The following IL1RAPL2 variants were observed in gnomAD, a reference collection of about 807,000 sequenced individuals.
IL1RAPL2 encodes the protein X-linked interleukin-1 receptor accessory protein-like 2.
IL1RAPL2 carries 3 observed loss-of-function variants against 44.1 expected under a neutral mutation model. The observed-to-expected ratio is 0.07, with a 90% CI of 0.03 to 0.18. The LOEUF (loss-of-function observed/expected upper bound fraction) is 0.18. IL1RAPL2 is among the 10% of genes least tolerant of loss of function. The pLI, the probability that IL1RAPL2 is intolerant of heterozygous loss-of-function variation, is 1.00. For missense variants in IL1RAPL2, 391 were observed against 496.4 expected (o/e 0.79, Z 2.02); for synonymous variants, 181 against 178.8 (o/e 1.01, Z -0.10).
intron 2 of IL1RAPL2, among the ~76,000 whole-genome samples, chrX:105,002,651 G>A (rs1285072031): frequency 1.8e-5 from 2 of 110,491 alleles, no homozygotes; most frequent in African/African-American, 6.6e-5. Flanking sequence ...TTCCTAGAAT[G>A]AGGAATGTCA....
intron 5 of IL1RAPL2, among the ~76,000 whole-genome samples, chrX:105,380,771 A>G (rs1360847280): frequency 9.0e-6 from 1 of 111,712 alleles, no homozygotes; most frequent in Non-Finnish European, 1.9e-5. Context: ...TGACATACAA[A>G]GGTCTCCTTT....
intron 2 of IL1RAPL2, among the ~76,000 whole-genome samples, chrX:105,192,777 G>T (rs782442567): frequency 9.0e-6 from 1 of 111,697 alleles, no homozygotes; most frequent in Non-Finnish European, 1.9e-5. Flanking sequence ...TAAGGGAAAA[G>T]AATAAATGGG....
chrX:104,854,652 A>T (rs893538127), intron 2 of IL1RAPL2, among the ~76,000 whole-genome samples: 1 of 101,007 alleles, frequency 9.9e-6, no homozygotes, highest in African/African-American at 3.6e-5. Context: ...AAGAGAAAGA[A>T]TTTTTTTTTT....
At chrX:105,165,119 CTTAGA>C (rs2033361530) in intron 2 of IL1RAPL2, among the ~76,000 whole-genome samples, 1 of 111,656 alleles carries the variant, frequency 9.0e-6, no homozygotes, top group African/African-American at 3.3e-5. Flanking sequence ...AGGAAGTTAC[CTTAGA>C]TTATTCTGCA....
At chrX:104,857,886 A>G (rs956161551) in intron 2 of IL1RAPL2, among the ~76,000 whole-genome samples, 1 of 111,385 alleles carries the variant, frequency 9.0e-6, no homozygotes, top group Non-Finnish European at 1.9e-5. Flanking sequence ...ATTCATACAT[A>G]CTAAAAAAAA....
At chrX:104,917,595 C>T (rs1365654210) in intron 2 of IL1RAPL2, among the ~76,000 whole-genome samples, 2 of 111,777 alleles carry the variant, frequency 1.8e-5, no homozygotes, top group East Asian at 5.6e-4. Flanking sequence ...ATGGACCAGG[C>T]AAAAACAACC....
At chrX:104,676,649 C>G (rs1176755136) in intron 2 of IL1RAPL2, among the ~76,000 whole-genome samples, 1 of 111,754 alleles carries the variant, frequency 8.9e-6, no homozygotes, top group Non-Finnish European at 1.9e-5. Flanking sequence ...ATTGGCCTGC[C>G]TTGCTAGATT....
chrX:105,162,305 C>T (rs920095781), intron 2 of IL1RAPL2, among the ~76,000 whole-genome samples: 4 of 111,601 alleles, frequency 3.6e-5, no homozygotes, highest in African/African-American at 1.3e-4. Context: ...TAAATAAGGC[C>T]CCATAGAAAT....
intron 3 of IL1RAPL2, among the ~76,000 whole-genome samples, chrX:105,197,685 G>A (rs1312885878): frequency 1.8e-5 from 2 of 111,131 alleles, no homozygotes; most frequent in Non-Finnish European, 3.8e-5. Flanking sequence ...TGAAAGGAGG[G>A]TTATAGATTT....
intron 3 of IL1RAPL2, among the ~76,000 whole-genome samples, chrX:105,203,080 A>G (rs1443646569): frequency 9.0e-6 from 1 of 111,623 alleles, no homozygotes; most frequent in Non-Finnish European, 1.9e-5. Flanking sequence ...AAAAACTTCC[A>G]CTACATCTGC....
At chrX:105,712,422 G>T (rs1293021711) in intron 6 of IL1RAPL2, among the ~76,000 whole-genome samples, 1 of 110,892 alleles carries the variant, frequency 9.0e-6, no homozygotes, top group East Asian at 2.9e-4. Flanking sequence ...CTGCTATAAA[G>T]ACACTACCTG....
intron 6 of IL1RAPL2, among the ~76,000 whole-genome samples, chrX:105,584,517 T>A (rs1315036039): frequency 1.0e-5 from 1 of 98,678 alleles, no homozygotes; most frequent in African/African-American, 3.8e-5. Flanking sequence ...CTGAGGACAG[T>A]ACATAGTTGT....
chrX:105,218,866 C>T, intron 3 of IL1RAPL2: 1 of 719,497 alleles, frequency 1.4e-6, no homozygotes, highest in Non-Finnish European at 2.1e-6. Flanking sequence ...CAGCCTTCTT[C>T]CCCTACCACC....
chrX:104,940,644 C>T (rs1925141080), intron 2 of IL1RAPL2, among the ~76,000 whole-genome samples: 1 of 110,437 alleles, frequency 9.1e-6, no homozygotes, highest in Non-Finnish European at 1.9e-5. Context: ...GTATACTTTT[C>T]TTGGATCTCT....
At chrX:105,562,541 A>ACACACACC (rs2036946708) in intron 6 of IL1RAPL2, among the ~76,000 whole-genome samples, 1 of 105,429 alleles carries the variant, frequency 9.5e-6, no homozygotes, top group Middle Eastern at 4.5e-3. Context: ...ACACACACAC[A>ACACACACC]CACACACATA....
intron 1 of IL1RAPL2, among the ~76,000 whole-genome samples, chrX:104,585,178 C>T (rs1212167323): frequency 1.6e-5 from 1 of 63,399 alleles, no homozygotes; most frequent in Non-Finnish European, 2.5e-5. Context: ...TGTATATATA[C>T]ACACATACAC....
chrX:105,121,761 A>G (rs1040188606), intron 2 of IL1RAPL2, among the ~76,000 whole-genome samples: 1 of 111,374 alleles, frequency 9.0e-6, no homozygotes, highest in Non-Finnish European at 1.9e-5. Context: ...AATTCTTGTT[A>G]TTCGATCAAA....
At chrX:104,865,413 T>C (rs1395784457) in intron 2 of IL1RAPL2, among the ~76,000 whole-genome samples, 1 of 111,884 alleles carries the variant, frequency 8.9e-6, no homozygotes, top group Non-Finnish European at 1.9e-5. Context: ...GAAGATTATG[T>C]ATGATTTTGG....
intron 3 of IL1RAPL2, among the ~76,000 whole-genome samples, chrX:105,233,223 A>G (rs1238058680): frequency 5.4e-5 from 6 of 111,465 alleles, no homozygotes; most frequent in Non-Finnish European, 1.1e-4. Context: ...AGCAGAGCTT[A>G]CAGTGAGCAG....
Sources: gnomAD v4.1 joint callset for allele counts (sites outside exome capture counted in the v4.1 genomes callset) on GRCh38, gnomAD v4.1.1 for gene constraint, MANE v1.5 for transcripts, NCBI Gene and HGNC (gene_info 2026-07-23, HGNC 2026-07-21) for gene names.